SMOX: variants seen among roughly 807,000 people sequenced by gnomAD.
SMOX encodes flavin containing amine oxidase.
In SMOX, 22 loss-of-function variants were observed where a neutral mutation model predicts 51.0. The observed-to-expected ratio is 0.43, with a 90% CI of 0.31 to 0.62. The LOEUF (loss-of-function observed/expected upper bound fraction) is 0.62. SMOX is among the 20% of genes least tolerant of loss of function. The pLI is 0.10. For missense variants in SMOX, 566 were observed against 777.7 expected, an observed-to-expected ratio of 0.73 and a Z score of 3.24; for synonymous variants, 282 against 307.8, an observed-to-expected ratio of 0.92 and a Z score of 0.88.
At chr20:4,152,396 C>T (rs1985807623) in intron 1 of SMOX, among the ~76,000 whole-genome samples, 1 of 152,124 alleles carries the variant, frequency 6.6e-6, no homozygotes, top group South Asian at 2.1e-4. Flanking sequence ...CCACAGCTCT[C>T]CTGTTTGCAC....
At chr20:4,180,369 G>T (rs372450750) in intron 3 of SMOX, among the ~76,000 whole-genome samples, 1 of 152,306 alleles carries the variant, frequency 6.6e-6, no homozygotes, top group East Asian at 1.9e-4. Context: ...TGGCCCCAGG[G>T]CCTAGCCCAG....
At position 4,167,902 on chromosome 20, in the gene SMOX, A is replaced by T. The variant is rs1986636908; in HGVS notation, c.-26-7128A>T. ...AGGGGTGGGAGGAGCCTCACCGCAG[A>T]CACAGAGCCCCTTTGTCTGGGCCGT... On this transcript the variant is annotated intron_variant, in intron 1 of 6. Coordinates refer to ENST00000305958, the MANE Select transcript of SMOX (RefSeq NM_175839.3). The surrounding 1 kb of genome is among the most constrained non-coding windows in gnomAD (Gnocchi z 4.8). Among the ~76,000 whole-genome samples the T allele has an allele frequency of 6.6e-6, 1 of 151,960 alleles. No individual in the cohort carries two copies.
chr20:4,173,631 G>T (rs1978596567), intron 1 of SMOX, among the ~76,000 whole-genome samples: 1 of 152,214 alleles, frequency 6.6e-6, no homozygotes, highest in South Asian at 2.1e-4. Flanking sequence ...GTTATGCGCA[G>T]CTTTATTAGG....
rs1031880311 is a variant in SMOX at position 4,181,240 on chromosome 20, C to T, written c.436-563C>T. On this transcript the variant is annotated intron_variant, in intron 3 of 6. Transcript: ENST00000305958. The surrounding 1 kb of genome is among the most constrained non-coding windows in gnomAD (Gnocchi z 5.6). Reference sequence around the variant, plus strand: ...CCCACTGCGTCTCAGCTTCCTTACTCGTGGCTGAGGCCTGAAGCAAAGGGG... The same window carrying T: ...CCCACTGCGTCTCAGCTTCCTTACTTGTGGCTGAGGCCTGAAGCAAAGGGG... Among the ~76,000 whole-genome samples, 21 of 152,130 alleles carry T rather than the reference C, an allele frequency of 1.4e-4. No individual in the cohort carries two copies. Among genetic ancestry groups the T allele is most frequent in the Non-Finnish European group, 2.5e-4 (17 of 68,030 alleles).
At position 4,172,137 on chromosome 20, in the gene SMOX, C is replaced by T. The variant is rs1170920450; in HGVS notation, c.-26-2893C>T. ...ATAGCAGCTTTTTAAGAAGGGGTTC[C>T]ACCAGTAAGGCGTGAGAGCCACTGC... On this transcript the variant is annotated intron_variant, in intron 1 of 6. Transcript: ENST00000305958. The surrounding 1 kb of genome is among the most constrained non-coding windows in gnomAD (Gnocchi z 7.7). Among the ~76,000 whole-genome samples, 1 of 152,232 alleles carries T rather than the reference C, an allele frequency of 6.6e-6. No homozygotes were observed. The highest frequency in any genetic ancestry group is 1.5e-5 in the Non-Finnish European group (1 of 68,030).
At position 4,172,456 on chromosome 20, in the gene SMOX, G is replaced by T. The variant is rs955549830; in HGVS notation, c.-26-2574G>T. On this transcript the variant is annotated intron_variant, in intron 1 of 6. Transcript: ENST00000305958. The surrounding 1 kb of genome is among the most constrained non-coding windows in gnomAD (Gnocchi z 7.7). ...CAGGAAGGAGAACCTGGGGTAGGGT[G>T]GGGGAGGACTGGAGCCAGCCCTGAT... 2.0e-5 allele frequency among the ~76,000 whole-genome samples: 3 copies of T among 152,216 alleles called. No individual in the cohort carries two copies. The highest frequency in any genetic ancestry group is 2.9e-5 in the Non-Finnish European group (2 of 68,036).
At chr20:4,174,430 G>C (rs1466806594) in intron 1 of SMOX, among the ~76,000 whole-genome samples, 1 of 152,154 alleles carries the variant, frequency 6.6e-6, no homozygotes, top group Non-Finnish European at 1.5e-5. Flanking sequence ...GTCCAGGCAA[G>C]TGTCCTGGGG....
At position 4,150,908 on chromosome 20, in the gene SMOX, C is replaced by T. The variant is rs920762927; in HGVS notation, c.-27+1931C>T. Reference sequence around the variant, plus strand: ...GTGCAATGACGTGATCTTGGCTCACCGCAACCTCCACCTCCTGCGTTCAAG... The same window carrying T: ...GTGCAATGACGTGATCTTGGCTCACTGCAACCTCCACCTCCTGCGTTCAAG... On this transcript the variant is annotated intron_variant, in intron 1 of 6. Coordinates refer to ENST00000305958, the MANE Select transcript of SMOX (RefSeq NM_175839.3). Among the ~76,000 whole-genome samples the T allele has an allele frequency of 8.6e-5, 13 of 150,816 alleles. No individual in the cohort carries two copies. The South Asian group carries it at 1.3e-3, about 15-fold the overall frequency.
At chr20:4,154,382 C>CTTTT (rs1272814018) in intron 1 of SMOX, among the ~76,000 whole-genome samples, 5 of 109,728 alleles carry the variant, frequency 4.6e-5, no homozygotes, top group African/African-American at 1.9e-4. Context: ...TTCTTTCTTT[C>CTTTT]TTTCTTTTTT....
intron 1 of SMOX, among the ~76,000 whole-genome samples, chr20:4,159,643 G>C (rs994857154): frequency 1.1e-4 from 17 of 152,164 alleles, no homozygotes; most frequent in Non-Finnish European, 1.0e-4. Flanking sequence ...ATGATGATAG[G>C]ATTTTAAGAA....
chr20:4,163,648 A>G (rs1487240169), intron 1 of SMOX, among the ~76,000 whole-genome samples: 3 of 152,232 alleles, frequency 2.0e-5, no homozygotes, highest in Non-Finnish European at 4.4e-5. Context: ...GTGAGGTTGC[A>G]GTCACAGTGT....
intron 3 of SMOX, among the ~76,000 whole-genome samples, chr20:4,180,897 G>A (rs1049032567): frequency 2.6e-5 from 4 of 152,150 alleles, no homozygotes; most frequent in Admixed American, 2.0e-4. Flanking sequence ...AGTGAGGGGA[G>A]GGGCAGGGAC....
intron 1 of SMOX, among the ~76,000 whole-genome samples, chr20:4,151,222 C>T (rs1985739569): frequency 6.6e-6 from 1 of 152,146 alleles, no homozygotes; most frequent in African/African-American, 2.4e-5. Flanking sequence ...GATCTCAAGC[C>T]TGCCCTCTGT....
At chr20:4,174,621 C>T (rs1176176291) in intron 1 of SMOX, among the ~76,000 whole-genome samples, 1 of 152,162 alleles carries the variant, frequency 6.6e-6, no homozygotes, top group Non-Finnish European at 1.5e-5. Context: ...TCTTGGTCAT[C>T]TCCTCACTGG....
In SMOX at chr20:4,172,858, G is replaced by A. The variant is rs1266927393; in HGVS notation, c.-26-2172G>A. Among the ~76,000 whole-genome samples, 1 of 151,922 alleles carries A rather than the reference G, an allele frequency of 6.6e-6. No homozygotes were observed. Among genetic ancestry groups the A allele is most frequent in the African/African-American group, 2.4e-5 (1 of 41,328 alleles). On this transcript the variant is annotated intron_variant, in intron 1 of 6. Coordinates refer to ENST00000305958, the MANE Select transcript of SMOX (RefSeq NM_175839.3). The surrounding 1 kb of genome is among the most constrained non-coding windows in gnomAD (Gnocchi z 7.7). ...TCCCGTCCAGGCCCAGGCATCGCGG[G>A]GGCAGGTGCAATGGGCGGGGGAGGC... is the stretch of plus-strand genomic sequence containing the variant.
chr20:4,169,956 G>T (rs532134999), intron 1 of SMOX, among the ~76,000 whole-genome samples: 76 of 152,240 alleles, frequency 5.0e-4, no homozygotes, highest in African/African-American at 1.7e-3. Context: ...TTGTGATTGA[G>T]AACTGAAGCT....
At chr20:4,159,671 T>C (rs1215569372) in intron 1 of SMOX, among the ~76,000 whole-genome samples, 1 of 152,232 alleles carries the variant, frequency 6.6e-6, no homozygotes, top group Non-Finnish European at 1.5e-5. Flanking sequence ...TTCTTGATGC[T>C]TCAAAAGCTA....
rs1393958837 is a variant in SMOX at position 4,149,396 on chromosome 20, C to T, written c.-27+419C>T. 1.3e-5 allele frequency among the ~76,000 whole-genome samples: 2 copies of T among 151,854 alleles called. No individual in the cohort carries two copies. The highest frequency in any genetic ancestry group is 2.9e-5 in the Non-Finnish European group (2 of 67,938). ...CGGGCGCGGACGCCCCGCGACGACT[C>T]GGGCTGCCGGGAGGGTGGGCACCGG... On this transcript the variant is annotated intron_variant, in intron 1 of 6. Coordinates refer to ENST00000305958, the MANE Select transcript of SMOX (RefSeq NM_175839.3). The surrounding 1 kb of genome is among the most constrained non-coding windows in gnomAD (Gnocchi z 6.0).
At position 4,183,312 on chromosome 20, in the gene SMOX, A is replaced by G. The variant is rs543916818; in HGVS notation, c.1370-182A>G. On this transcript the variant is annotated intron_variant, in intron 5 of 6. Coordinates refer to ENST00000305958, the MANE Select transcript of SMOX (RefSeq NM_175839.3). This position sits in a 1 kb window ranked among gnomAD's most constrained non-coding sequence, Gnocchi z 4.3. Reference sequence around the variant, plus strand: ...TTGCCGGGGGTCACAGGAGGCGCTGAGTGGGTACACAGCTCGAGCCCCAGC... The same window carrying G: ...TTGCCGGGGGTCACAGGAGGCGCTGGGTGGGTACACAGCTCGAGCCCCAGC... The G allele has an allele frequency of 3.8e-6, 3 of 785,274 alleles. No homozygotes were observed. In the South Asian group the frequency reaches 5.1e-5, roughly 13 times the overall value. The allele number at this position is 785,274 out of a possible 1,614,324, so 48.6% of individuals were successfully genotyped here.
Sources: gnomAD v4.1 joint callset for allele counts (sites outside exome capture counted in the v4.1 genomes callset) on GRCh38, gnomAD v4.1.1 for gene constraint, Gnocchi (gnomAD v3.1) non-coding constraint, MANE v1.5 for transcripts, NCBI Gene and HGNC (gene_info 2026-07-23, HGNC 2026-07-21) for gene names.